The following TTC8 variants were observed in gnomAD, a reference collection of about 807,000 sequenced individuals.
The protein encoded by TTC8 is tetratricopeptide repeat domain 8, also known as tetratricopeptide repeat protein 8.
TTC8 carries 47 observed loss-of-function variants against 72.5 expected under a neutral mutation model. The observed-to-expected ratio is 0.65, with a 90% CI of 0.51 to 0.83. The LOEUF is 0.83. Among genes scored for constraint, TTC8 ranks in the 40% least tolerant of loss-of-function variants. TTC8 has a pLI of 0.00. For missense variants in TTC8, 611 were observed against 623.2 expected (o/e 0.98, Z 0.21); for synonymous variants, 199 against 221.4 (o/e 0.90, Z 0.90).
rs1220094479 is a variant in TTC8, at chr14:88,870,099, A to C, written c.950A>C (p.Glu317Ala). 3 of 1,613,960 alleles carry C rather than the reference A, an allele frequency of 1.9e-6. No individual in the cohort carries two copies. The highest frequency in any genetic ancestry group is 1.7e-5 in the Admixed American group (1 of 59,992). The change falls in exon 11 of 15, where the codon GAA (glutamate) becomes GCA (alanine). Residue 317 changes from glutamate to alanine, a missense_variant. Coordinates refer to ENST00000380656, the MANE Select transcript of TTC8 (RefSeq NM_144596.4). The stretch of plus-strand genomic sequence containing the variant: ...TCATCAGCAGCAGAATATTACAAAG[A>C]AGTTTTGAAACAAGACAATACTCAT... ...NMSSAAEYYK[E>A]VLKQDNTHVE...
Position 88,841,088 on chromosome 14 carries a change from G to A in TTC8, c.381G>A (p.Thr127=), listed in dbSNP as rs976400950. 5.6e-6 allele frequency: 9 copies of A among 1,614,102 alleles called. No individual in the cohort carries two copies. Among genetic ancestry groups the A allele is most frequent in the South Asian group, 4.4e-5 (4 of 91,076 alleles). ...TTACAGGTTTCCTCAGGCCCAGCAC[G>A]CAGAGTGGAAGGCCAGGCACTATGG... ...RPITGFLRPS[T]QSGRPGTMEQ... The change falls in exon 5 of 15, where the codon ACG becomes ACA. Residue 127 remains threonine, a synonymous_variant. Coordinates refer to ENST00000380656, the MANE Select transcript of TTC8 (RefSeq NM_144596.4).
At chr14:88,839,674 A>G (rs1018696003) in intron 3 of TTC8, 102 bp downstream of exon 3, 11 of 1,320,216 alleles carry the variant, frequency 8.3e-6, no homozygotes, top group Middle Eastern at 2.2e-4. Flanking sequence ...CACTTTATAT[A>G]TATAAACATT....
intron 10 of TTC8, 101 bp from the exon 11 acceptor site, chr14:88,869,958 A>G: frequency 8.0e-7 from 1 of 1,243,590 alleles, no homozygotes; most frequent in East Asian, 2.5e-5. Flanking sequence ...GTAGCCTCTC[A>G]ATAAATACTT....
chr14:88,826,940 T>G (rs2094704340), intron 1 of TTC8, among the ~76,000 whole-genome samples: 4 of 152,138 alleles, frequency 2.6e-5, no homozygotes, highest in Admixed American at 1.3e-4. Flanking sequence ...TCTGAGTAGT[T>G]TTGAAGAAAA....
In TTC8 at chr14:88,839,484, A is replaced by G. The variant is rs1043053723; in HGVS notation, c.177A>G (p.Thr59=). The G allele has an allele frequency of 6.2e-7, 1 of 1,613,246 alleles. No homozygotes were observed. Among genetic ancestry groups the G allele is most frequent in the African/African-American group, 1.3e-5 (1 of 75,008 alleles). ...AAWILKARAL[T]EMVYIDEIDV... ...GGATCTTAAAAGCAAGAGCGCTAACAGAAATGGTATACATAGATGAAATTG... is the reference window on the plus strand; with the variant it reads ...GGATCTTAAAAGCAAGAGCGCTAACGGAAATGGTATACATAGATGAAATTG... Residue 59 remains threonine (T), a synonymous_variant, in exon 3 of 15, where the codon ACA becomes ACG. Coordinates refer to ENST00000380656, the MANE Select transcript of TTC8 (RefSeq NM_144596.4).
intron 9 of TTC8, among the ~76,000 whole-genome samples, chr14:88,860,366 T>C (rs1023577041): frequency 1.3e-5 from 2 of 152,204 alleles, no homozygotes; most frequent in Non-Finnish European, 2.9e-5. Flanking sequence ...GTTTTAGAAA[T>C]TCCTATTAAG....
intron 7 of TTC8, among the ~76,000 whole-genome samples, chr14:88,850,111 A>G (rs2094826742): frequency 6.6e-6 from 1 of 152,220 alleles, no homozygotes; most frequent in South Asian, 2.1e-4. Flanking sequence ...AAAAATCATT[A>G]AAGTCTTATT....
downstream of TTC8, chr14:88,878,999 T>C (rs1280316963): frequency 6.6e-6 from 1 of 152,206 alleles, no homozygotes; most frequent in East Asian, 1.9e-4. Context: ...ATCACCTCTC[T>C]CTGTTTCTGC....
chr14:88,876,620 ATATAT>A (rs2094958436), intron 14 of TTC8, among the ~76,000 whole-genome samples: 1 of 152,170 alleles, frequency 6.6e-6, no homozygotes, highest in Non-Finnish European at 1.5e-5. Context: ...TACCTCATAA[ATATAT>A]TATTATGTAT....
upstream of TTC8, chr14:88,824,633 G>C (rs1398287442): frequency 3.1e-6 from 4 of 1,297,018 alleles, no homozygotes; most frequent in East Asian, 7.6e-5. Flanking sequence ...GGGCAGAGTC[G>C]GACGCCGCCA....
At chr14:88,830,662 G>A (rs766035283) in intron 1 of TTC8, among the ~76,000 whole-genome samples, 3 of 152,146 alleles carry the variant, frequency 2.0e-5, no homozygotes, top group Non-Finnish European at 4.4e-5. Context: ...CCTAGCCCAC[G>A]TCTTCTGACT....
chr14:88,844,495 C>G (rs1478664872), intron 7 of TTC8, among the ~76,000 whole-genome samples: 1 of 152,086 alleles, frequency 6.6e-6, no homozygotes, highest in Non-Finnish European at 1.5e-5. Flanking sequence ...TATATCCATA[C>G]ATTAAGCATT....
chr14:88,866,743 G>A (rs758801263), intron 10 of TTC8, among the ~76,000 whole-genome samples: 3 of 152,120 alleles, frequency 2.0e-5, no homozygotes, highest in Non-Finnish European at 4.4e-5. Context: ...ATCAACACGG[G>A]CTCTTTTCAT....
At chr14:88,843,887 AT>A (rs1359771184) in intron 7 of TTC8, 37 bp downstream of exon 7, 2 of 1,445,254 alleles carry the variant, frequency 1.4e-6, no homozygotes, top group African/African-American at 2.8e-5. Context: ...TTTTATTGTA[AT>A]TTTTCTGACT....
chr14:88,864,880 C>G (rs2094903237), intron 10 of TTC8, among the ~76,000 whole-genome samples: 6 of 152,340 alleles, frequency 3.9e-5, no homozygotes, highest in Admixed American at 3.9e-4. Context: ...GCACCGCAGC[C>G]TGCACTGTGT....
At chr14:88,876,516 A>C (rs749087704) in intron 14 of TTC8, among the ~76,000 whole-genome samples, 1 of 152,186 alleles carries the variant, frequency 6.6e-6, no homozygotes, top group East Asian at 1.9e-4. Flanking sequence ...AATATTCCCA[A>C]CACAAAGAAA....
chr14:88,859,048 T>C (rs1010504195), intron 9 of TTC8, among the ~76,000 whole-genome samples: 2 of 152,180 alleles, frequency 1.3e-5, no homozygotes, highest in Non-Finnish European at 2.9e-5. Context: ...TATTTAACTC[T>C]TGTTAAATAC....
chr14:88,824,319 A>C (rs2094688022), upstream of TTC8: 1 of 215,880 alleles, frequency 4.6e-6, no homozygotes, highest in Non-Finnish European at 9.4e-6. Context: ...CCAGACAGAG[A>C]TCAACTCCAG....
At chr14:88,833,932 A>G in intron 2 of TTC8, 1 of 587,270 alleles carries the variant, frequency 1.7e-6, no homozygotes, top group Admixed American at 2.8e-5. Flanking sequence ...AGAACTAATA[A>G]TGCAGTCTAC....
Sources: gnomAD v4.1 joint callset for allele counts (sites outside exome capture counted in the v4.1 genomes callset) on GRCh38, gnomAD v4.1.1 for gene constraint, MANE v1.5 for transcripts, NCBI Gene and HGNC (gene_info 2026-07-23, HGNC 2026-07-21) for gene names.